AMPH: variants seen among roughly 807,000 people sequenced by gnomAD.
AMPH encodes the protein amphiphysin (Stiff-Mann syndrome with breast cancer 128kD autoantigen).
A neutral mutation model predicts 99.1 loss-of-function variants in AMPH; 49 were observed. The observed-to-expected ratio is 0.49, with a 90% CI of 0.39 to 0.63. The LOEUF is 0.63. AMPH is among the 20% of genes least tolerant of loss of function. AMPH has a pLI of 0.00. For missense variants in AMPH, 759 were observed against 863.4 expected, an observed-to-expected ratio of 0.88 and a Z score of 1.52; for synonymous variants, 314 against 317.3, an observed-to-expected ratio of 0.99 and a Z score of 0.11.
intron 1 of AMPH, among the ~76,000 whole-genome samples, chr7:38,588,325 CCAA>C (rs1324261242): frequency 2.0e-5 from 3 of 152,098 alleles, no homozygotes; most frequent in Non-Finnish European, 4.4e-5. Context: ...TATTTTTCTC[CCAA>C]CTTTAGTTCT....
At chr7:38,585,253 T>C (rs114919095) in intron 1 of AMPH, among the ~76,000 whole-genome samples, 1,775 of 152,236 alleles carry the variant, frequency 0.012, 30 homozygotes, top group African/African-American at 0.04. Context: ...TTCAAAACTA[T>C]TAGGAGGCAG....
intron 11 of AMPH, among the ~76,000 whole-genome samples, chr7:38,444,617 T>C (rs79719647): frequency 0.02 from 3,101 of 152,078 alleles, 112 homozygotes; most frequent in African/African-American, 0.071. Context: ...GAAGAAAGGA[T>C]TGATTCTCCC....
chr7:38,479,900 C>T (rs1788226849), intron 5 of AMPH, among the ~76,000 whole-genome samples: 2 of 151,768 alleles, frequency 1.3e-5, no homozygotes, highest in Non-Finnish European at 2.9e-5. Flanking sequence ...CTCCTGAGCC[C>T]TACACTAAGA....
intron 16 of AMPH, among the ~76,000 whole-genome samples, chr7:38,419,081 C>G (rs1473112782): frequency 1.2e-4 from 18 of 151,752 alleles, no homozygotes; most frequent in Admixed American, 1.2e-3. Flanking sequence ...AACACTTAAA[C>G]TAAAAAAAGT....
At chr7:38,553,434 C>T (rs1791247081) in intron 1 of AMPH, among the ~76,000 whole-genome samples, 1 of 152,244 alleles carries the variant, frequency 6.6e-6, no homozygotes, top group South Asian at 2.1e-4. Context: ...GGGCTGCAGA[C>T]AACCATTTTG....
chr7:38,517,841 A>C (rs1216527333), intron 2 of AMPH, among the ~76,000 whole-genome samples: 1 of 152,256 alleles, frequency 6.6e-6, no homozygotes, highest in Non-Finnish European at 1.5e-5. Flanking sequence ...CCTTTGTTAA[A>C]GAGATTAATA....
intron 1 of AMPH, among the ~76,000 whole-genome samples, chr7:38,587,314 T>A (rs1217867225): frequency 6.6e-6 from 1 of 152,194 alleles, no homozygotes; most frequent in African/African-American, 2.4e-5. Flanking sequence ...GTTTCAAAGC[T>A]GTGACTATTT....
chr7:38,599,293 C>T (rs1246908406), intron 1 of AMPH, among the ~76,000 whole-genome samples: 2 of 152,186 alleles, frequency 1.3e-5, no homozygotes, highest in African/African-American at 2.4e-5. Flanking sequence ...CCTCTGCCAC[C>T]TATAGGACAG....
At position 38,475,375 on chromosome 7, in the gene AMPH, C is replaced by T; in HGVS notation, c.546G>A (p.Glu182=). ...EFQKAQKVFE[E]FNVDLQEELP... is the part of the protein sequence containing the mutation. ...ACTCTTCTTGTAAGTCAACGTTAAA[C>T]TCTTCAAACACTTTCTGTGCTTTCT... Residue 182 remains glutamate, a synonymous_variant, in exon 7 of 21, where the codon GAG becomes GAA. Coordinates refer to ENST00000356264, the MANE Select transcript of AMPH (RefSeq NM_001635.4). 6.2e-7 allele frequency: 1 copy of T among 1,613,350 alleles called. No homozygotes were observed. The highest frequency in any genetic ancestry group is 8.5e-7 in the Non-Finnish European group (1 of 1,179,614).
intron 2 of AMPH, among the ~76,000 whole-genome samples, chr7:38,532,628 G>C (rs1790448251): frequency 6.6e-6 from 1 of 152,056 alleles, no homozygotes; most frequent in African/African-American, 2.4e-5. Flanking sequence ...TGCTGCTGCT[G>C]CTAGTGGCAC....
At chr7:38,455,156 C>T (rs1787182411) in intron 11 of AMPH, among the ~76,000 whole-genome samples, 1 of 151,864 alleles carries the variant, frequency 6.6e-6, no homozygotes, top group Non-Finnish European at 1.5e-5. Flanking sequence ...CTTGGTTCAC[C>T]GCAACCTCCG....
At chr7:38,609,713 T>A (rs2129064932) in intron 1 of AMPH, among the ~76,000 whole-genome samples, 1 of 151,188 alleles carries the variant, frequency 6.6e-6, no homozygotes, top group South Asian at 2.1e-4. Flanking sequence ...AAGGTGTATA[T>A]ATACATTTAA....
intron 14 of AMPH, chr7:38,428,694 G>A: frequency 2.2e-6 from 1 of 456,614 alleles, no homozygotes; most frequent in Non-Finnish European, 4.4e-6. Context: ...CAAGATATCT[G>A]GGTGATTGGC....
At chr7:38,489,457 G>C (rs1362407281) in intron 5 of AMPH, among the ~76,000 whole-genome samples, 2 of 148,390 alleles carry the variant, frequency 1.3e-5, no homozygotes, top group African/African-American at 4.9e-5. Flanking sequence ...AATAAACATT[G>C]GTGTTAGCAA....
chr7:38,523,936 G>A (rs201360050), intron 2 of AMPH, among the ~76,000 whole-genome samples: 1 of 13,746 alleles, frequency 7.3e-5, no homozygotes, highest in Middle Eastern at 0.042. Context: ...TATTAATTTT[G>A]AGAGAAAATA....
intron 1 of AMPH, among the ~76,000 whole-genome samples, chr7:38,629,426 C>T (rs1163337793): frequency 6.6e-6 from 1 of 152,098 alleles, no homozygotes; most frequent in Non-Finnish European, 1.5e-5. Flanking sequence ...CTCTCACCCC[C>T]GCTCCCATAG....
In AMPH at chr7:38,387,524, C is replaced by T. The variant is rs183910276; in HGVS notation, c.1980+2280G>A. On this transcript the variant is annotated intron_variant, in intron 20 of 20. Transcript: ENST00000356264. ...GTCACTGGATAAATTTAACTACGAACTCAAAGTAGCAGAGGAAACACTCAT... is the reference window on the plus strand; with the variant it reads ...GTCACTGGATAAATTTAACTACGAATTCAAAGTAGCAGAGGAAACACTCAT... Among the ~76,000 whole-genome samples, 363 of 152,088 alleles carry T rather than the reference C, an allele frequency of 2.4e-3. 3 individuals carry two copies. The highest frequency in any genetic ancestry group is 8.4e-3 in the African/African-American group (347 of 41,518).
chr7:38,447,997 G>C (rs1041464899), intron 11 of AMPH, among the ~76,000 whole-genome samples: 1 of 152,182 alleles, frequency 6.6e-6, no homozygotes, highest in African/African-American at 2.4e-5. Flanking sequence ...TTAAGACAGA[G>C]AGGTTAAATA....
chr7:38,576,540 G>T (rs1246054313), intron 1 of AMPH, among the ~76,000 whole-genome samples: 1 of 152,066 alleles, frequency 6.6e-6, no homozygotes, highest in Non-Finnish European at 1.5e-5. Flanking sequence ...GTTAAGTGCT[G>T]GTTTTCAGGA....
Sources: allele counts gnomAD v4.1 joint callset (sites outside exome capture counted in the v4.1 genomes callset), GRCh38; gene constraint gnomAD v4.1.1; transcripts MANE v1.5; gene names NCBI Gene and HGNC (gene_info 2026-07-23, HGNC 2026-07-21).